The following ST3GAL4 variants were observed in gnomAD, a reference collection of about 807,000 sequenced individuals.
The protein encoded by ST3GAL4 is CMP-N-acetylneuraminate-beta-galactosamide-alpha-2,3-sialyltransferase 4.
In ST3GAL4, 24 loss-of-function variants were observed where a neutral mutation model predicts 42.6. That is an observed-to-expected ratio of 0.56 (90% CI 0.41 to 0.79). The LOEUF (loss-of-function observed/expected upper bound fraction) is 0.79. Among genes scored for constraint, ST3GAL4 ranks in the 30% least tolerant of loss-of-function variants. The pLI is 0.00. For missense variants in ST3GAL4, 311 were observed against 430.8 expected, an observed-to-expected ratio of 0.72 and a Z score of 2.46; for synonymous variants, 135 against 163.2, an observed-to-expected ratio of 0.83 and a Z score of 1.32.
intron 1 of ST3GAL4, among the ~76,000 whole-genome samples, chr11:126,368,014 GGC>G (rs778147593): frequency 1.3e-5 from 2 of 151,762 alleles, no homozygotes; most frequent in South Asian, 2.1e-4. Context: ...TGGACATAAT[GGC>G]GCGCGCCTGT....
chr11:126,383,059 A>G lies in ST3GAL4; in HGVS notation c.-60-23037A>G, dbSNP rs568282733. On this transcript the variant is annotated intron_variant, in intron 1 of 10. Transcript: ENST00000444328. This position sits in a 1 kb window ranked among gnomAD's most constrained non-coding sequence, Gnocchi z 4.5. ...AGTGAGTGTGTGTTGTGTGGGTGCC[A>G]GGCCAGGGAGTGCCCTCCATGGGGC... Among the ~76,000 whole-genome samples the G allele has an allele frequency of 7.2e-5, 11 of 152,144 alleles. No homozygotes were observed. Among genetic ancestry groups the G allele is most frequent in the South Asian group, 2.1e-4 (1 of 4,828 alleles).
Position 126,378,799 on chromosome 11 carries a change from GTCTAGT to G in ST3GAL4, c.-61+22964_-61+22969del, listed in dbSNP as rs1378576219. 6.6e-6 allele frequency among the ~76,000 whole-genome samples: 1 copy of G among 152,150 alleles called. No homozygotes were observed. The highest frequency in any genetic ancestry group is 1.5e-5 in the Non-Finnish European group (1 of 68,024). Reference sequence around the variant, plus strand: ...CCTGTAGCATTTCCATTGAACCAATGTCTAGTTCTAGTAAGTTCTCTGATGATATGG... The same window carrying G: ...CCTGTAGCATTTCCATTGAACCAATGTCTAGTAAGTTCTCTGATGATATGG... On this transcript the variant is annotated intron_variant, in intron 1 of 10. Coordinates refer to ENST00000444328, the MANE Select transcript of ST3GAL4 (RefSeq NM_001254757.2). This position sits in a 1 kb window ranked among gnomAD's most constrained non-coding sequence, Gnocchi z 5.3.
chr11:126,375,774 G>A (rs1353671203), intron 1 of ST3GAL4, among the ~76,000 whole-genome samples: 4 of 152,056 alleles, frequency 2.6e-5, no homozygotes, highest in East Asian at 1.9e-4. Flanking sequence ...GCTGCTAAGC[G>A]TCCCACAATA....
At position 126,414,520 on chromosome 11, in the gene ST3GAL4, G is replaced by C. The variant is rs141562155; in HGVS notation, c.*473G>C. 610 of 166,858 alleles carry C rather than the reference G, an allele frequency of 3.7e-3. 2 individuals are homozygous for C. The highest frequency in any genetic ancestry group is 0.014 in the African/African-American group (571 of 41,958). 10.3% of individuals were successfully genotyped at this position (166,858 alleles called of 1,614,324 possible). A position where few individuals can be genotyped will look rare whatever the true frequency, so the allele number is the denominator to read the frequency against. Reference sequence around the variant, plus strand: ...AATGGGTGGGTGCCCTCCAGAGAGGGGCTGCTACCTCCCAGCAGGCATGGG... The same window carrying C: ...AATGGGTGGGTGCCCTCCAGAGAGGCGCTGCTACCTCCCAGCAGGCATGGG... On this transcript the variant is annotated 3_prime_UTR_variant, in exon 11 of 11. Transcript: ENST00000444328.
In ST3GAL4 at chr11:126,386,899, A is replaced by ACC. The variant is rs1273476178; in HGVS notation, c.-60-19194_-60-19193dup. 6.6e-6 allele frequency among the ~76,000 whole-genome samples: 1 copy of ACC among 151,614 alleles called. No homozygotes were observed. The highest frequency in any genetic ancestry group is 1.5e-5 in the Non-Finnish European group (1 of 67,928). Reference sequence around the variant, plus strand: ...GTAAATTAGGAACGGTAACACACACACCCCTCCCCCACCCCGCTGGAGAAG... The same window carrying ACC: ...GTAAATTAGGAACGGTAACACACACACCCCCCTCCCCCACCCCGCTGGAGAAG... On this transcript the variant is annotated intron_variant, in intron 1 of 10. Transcript: ENST00000444328. The surrounding 1 kb of genome is among the most constrained non-coding windows in gnomAD (Gnocchi z 4.7).
chr11:126,388,185 C>T (rs746860441), intron 1 of ST3GAL4, among the ~76,000 whole-genome samples: 29 of 152,174 alleles, frequency 1.9e-4, no homozygotes, highest in African/African-American at 5.5e-4. Flanking sequence ...TCAGGTCCCT[C>T]GTGTTTTGCT....
In ST3GAL4 at chr11:126,374,683, G is replaced by A. The variant is rs370561623; in HGVS notation, c.-61+18841G>A. On this transcript the variant is annotated intron_variant, in intron 1 of 10. Transcript: ENST00000444328. ...GAGGAGGTGCTGGCCAGTAGAGCAC[G>A]TGTGTCTCTGTGCGTCAGAGCAAGG... is the stretch of plus-strand genomic sequence containing the variant. Among the ~76,000 whole-genome samples the A allele has an allele frequency of 1.7e-3, 252 of 152,164 alleles. 2 individuals carry two copies. The highest frequency in any genetic ancestry group is 5.1e-3 in the African/African-American group (213 of 41,536).
At chr11:126,404,342 G>A (rs561607570) in intron 1 of ST3GAL4, among the ~76,000 whole-genome samples, 2 of 152,274 alleles carry the variant, frequency 1.3e-5, no homozygotes, top group East Asian at 1.9e-4. Flanking sequence ...GATCGTCCAC[G>A]GTAACCAACC....
At chr11:126,377,673 AG>A (rs1952872120) in intron 1 of ST3GAL4, among the ~76,000 whole-genome samples, 1 of 151,700 alleles carries the variant, frequency 6.6e-6, no homozygotes, top group Non-Finnish European at 1.5e-5. Context: ...TAGTAGAGAC[AG>A]GGTTTCACCC....
At chr11:126,395,974 TGA>T (rs2135501768) in intron 1 of ST3GAL4, among the ~76,000 whole-genome samples, 1 of 152,176 alleles carries the variant, frequency 6.6e-6, no homozygotes, top group East Asian at 1.9e-4. Context: ...GCTCTCCCCG[TGA>T]GTGAGAAGAG....
chr11:126,394,278 CAGGT>C (rs1953641495), intron 1 of ST3GAL4, among the ~76,000 whole-genome samples: 5 of 152,228 alleles, frequency 3.3e-5, no homozygotes, highest in Non-Finnish European at 5.9e-5. Flanking sequence ...GGACCTGGGG[CAGGT>C]CCACACAGGC....
At chr11:126,399,347 C>T (rs888728213) in intron 1 of ST3GAL4, among the ~76,000 whole-genome samples, 4 of 121,994 alleles carry the variant, frequency 3.3e-5, no homozygotes, top group Non-Finnish European at 4.8e-5. Context: ...CTCTGTTGCC[C>T]AGGCTGGAGT....
In ST3GAL4 at chr11:126,366,412, G is replaced by A. The variant is rs921804991; in HGVS notation, c.-61+10570G>A. On this transcript the variant is annotated intron_variant, in intron 1 of 10. Transcript: ENST00000444328. This position sits in a 1 kb window ranked among gnomAD's most constrained non-coding sequence, Gnocchi z 4.2. ...TGGGTGTGTGTGTGCGCATGCCTGT[G>A]TCTGTGTGATCTGGTTCCCGGGTGT... Among the ~76,000 whole-genome samples, 1 of 152,152 alleles carries A rather than the reference G, an allele frequency of 6.6e-6. No individual in the cohort carries two copies. Among genetic ancestry groups the A allele is most frequent in the African/African-American group, 2.4e-5 (1 of 41,442 alleles).
intron 1 of ST3GAL4, among the ~76,000 whole-genome samples, chr11:126,381,920 G>A (rs1349440082): frequency 3.0e-4 from 44 of 148,810 alleles, no homozygotes; most frequent in African/African-American, 1.1e-3. Context: ...TGCTCAGGAG[G>A]GCAGAATAAC....
chr11:126,401,250 A>G (rs962656347), intron 1 of ST3GAL4, among the ~76,000 whole-genome samples: 2 of 152,060 alleles, frequency 1.3e-5, no homozygotes, highest in Non-Finnish European at 2.9e-5. Flanking sequence ...AGCGAGGTTC[A>G]AGGACAGTGC....
At position 126,410,605 on chromosome 11, in the gene ST3GAL4, C is replaced by T. The variant is rs1483375783; in HGVS notation, c.771+1194C>T. 2.0e-5 allele frequency among the ~76,000 whole-genome samples: 3 copies of T among 152,132 alleles called. No homozygotes were observed. The East Asian group carries it at 5.8e-4, about 29-fold the overall frequency. On this transcript the variant is annotated intron_variant, in intron 9 of 10. Transcript: ENST00000444328. The surrounding 1 kb of genome is among the most constrained non-coding windows in gnomAD (Gnocchi z 5.3). ...ACAGGGCCTGCCCTTTAAATATTTG[C>T]CAGATTTTGAATAAATGATTTTATT...
Position 126,400,854 on chromosome 11 carries a change from G to A in ST3GAL4, c.-60-5242G>A, listed in dbSNP as rs1258422925. 6.6e-6 allele frequency among the ~76,000 whole-genome samples: 1 copy of A among 152,114 alleles called. No individual in the cohort carries two copies. Among genetic ancestry groups the A allele is most frequent in the Non-Finnish European group, 1.5e-5 (1 of 68,034 alleles). On this transcript the variant is annotated intron_variant, in intron 1 of 10. Coordinates refer to ENST00000444328, the MANE Select transcript of ST3GAL4 (RefSeq NM_001254757.2). The surrounding 1 kb of genome is among the most constrained non-coding windows in gnomAD (Gnocchi z 4.6). ...TCTAGACAATGTGACCTTCACACTGGGGCTGAGTTTTGTAAAATCCGACAT... is the reference window on the plus strand; with the variant it reads ...TCTAGACAATGTGACCTTCACACTGAGGCTGAGTTTTGTAAAATCCGACAT...
At chr11:126,401,791 T>TA (rs1262590237) in intron 1 of ST3GAL4, among the ~76,000 whole-genome samples, 1 of 151,656 alleles carries the variant, frequency 6.6e-6, no homozygotes, top group Non-Finnish European at 1.5e-5. Context: ...AATTTCAGAA[T>TA]AAAAACAAGA....
Position 126,409,144 on chromosome 11 carries a change from C to T in ST3GAL4, c.628-124C>T, listed in dbSNP as rs2135554199. 4 of 1,218,954 alleles carry T rather than the reference C, an allele frequency of 3.3e-6. No homozygotes were observed. The highest frequency in any genetic ancestry group is 2.8e-5 in the South Asian group (2 of 72,644). 75.5% of individuals were successfully genotyped at this position (1,218,954 alleles called of 1,614,324 possible). A position where few individuals can be genotyped will look rare whatever the true frequency, so the allele number is the denominator to read the frequency against. On this transcript the variant is annotated intron_variant, in intron 8 of 10. Coordinates refer to ENST00000444328, the MANE Select transcript of ST3GAL4 (RefSeq NM_001254757.2). This position sits in a 1 kb window ranked among gnomAD's most constrained non-coding sequence, Gnocchi z 4.9. ...AGACTTCACCTCCCTTTCCTCTCAC[C>T]TTGTGCTCCTGAAGGCCTCTGCCAT...
Sources: allele counts gnomAD v4.1 joint callset (sites outside exome capture counted in the v4.1 genomes callset), GRCh38; gene constraint gnomAD v4.1.1; non-coding constraint Gnocchi (gnomAD v3.1); transcripts MANE v1.5; gene names NCBI Gene and HGNC (gene_info 2026-07-23, HGNC 2026-07-21).